The following CNTNAP2 variants were observed in gnomAD, a reference collection of about 807,000 sequenced individuals.
CNTNAP2 encodes contactin associated protein 2.
In CNTNAP2, 98 loss-of-function variants were observed where a neutral mutation model predicts 155.2. That is an observed-to-expected ratio of 0.63 (90% CI 0.54 to 0.75). The LOEUF is 0.75. Ranked by LOEUF, CNTNAP2 falls within the 30% of genes least tolerant of loss-of-function variation. The pLI, the probability that CNTNAP2 is intolerant of heterozygous loss-of-function variation, is 0.00. For synonymous variants in CNTNAP2, 651 were observed against 631.2 expected (o/e 1.03, Z -0.47); for missense variants, 1,727 against 1,688.1 (o/e 1.02, Z -0.40).
intron 1 of CNTNAP2, among the ~76,000 whole-genome samples, chr7:146,639,905 C>G (rs1308101414): frequency 6.6e-6 from 1 of 152,212 alleles, no homozygotes; most frequent in East Asian, 1.9e-4. Flanking sequence ...ACTGCATGGC[C>G]TGTTCTAGTA....
chr7:146,123,216 A>G (rs879938782), intron 1 of CNTNAP2, among the ~76,000 whole-genome samples: 2 of 152,134 alleles, frequency 1.3e-5, no homozygotes, highest in Non-Finnish European at 2.9e-5. Flanking sequence ...CGTATTCTGT[A>G]TTTACCTTGT....
intron 4 of CNTNAP2, among the ~76,000 whole-genome samples, chr7:147,107,411 G>A (rs1800788557): frequency 6.6e-6 from 1 of 151,988 alleles, no homozygotes; most frequent in Non-Finnish European, 1.5e-5. Context: ...TAAAATTAGA[G>A]CTGCTGTAGT....
At chr7:148,364,409 C>T (rs1798690241) in intron 21 of CNTNAP2, among the ~76,000 whole-genome samples, 2 of 152,134 alleles carry the variant, frequency 1.3e-5, no homozygotes, top group Non-Finnish European at 2.9e-5. Context: ...TTTGTGAGTG[C>T]ACCAATCGAC....
chr7:146,204,080 C>T (rs1798908008), intron 1 of CNTNAP2, among the ~76,000 whole-genome samples: 1 of 152,054 alleles, frequency 6.6e-6, no homozygotes, highest in African/African-American at 2.4e-5. Context: ...CAAGGACTTC[C>T]TTTCAGCTAA....
chr7:147,247,158 A>G (rs981047695), intron 8 of CNTNAP2, among the ~76,000 whole-genome samples: 1 of 152,248 alleles, frequency 6.6e-6, no homozygotes, highest in Non-Finnish European at 1.5e-5. Flanking sequence ...AGATATTATT[A>G]TAACATTTTT....
chr7:147,775,263 ATATT>A (rs1225911349), intron 13 of CNTNAP2, among the ~76,000 whole-genome samples: 6 of 101,644 alleles, frequency 5.9e-5, no homozygotes, highest in Admixed American at 3.1e-4. Flanking sequence ...ATTTATAAAT[ATATT>A]TATATATATA....
chr7:146,208,534 AAAG>A (rs1304222628), intron 1 of CNTNAP2: 2 of 152,144 alleles, frequency 1.3e-5, no homozygotes, highest in Non-Finnish European at 2.9e-5. Context: ...AAGGAAAAAA[AAAG>A]CACAGAACCA....
At chr7:147,840,236 A>T (rs1798706849) in intron 13 of CNTNAP2, among the ~76,000 whole-genome samples, 1 of 152,188 alleles carries the variant, frequency 6.6e-6, no homozygotes, top group South Asian at 2.1e-4. Flanking sequence ...GGTGATAGTT[A>T]TCCTAAAAGC....
intron 1 of CNTNAP2, among the ~76,000 whole-genome samples, chr7:146,179,936 T>C (rs1798526490): frequency 6.6e-6 from 1 of 152,186 alleles, no homozygotes; most frequent in African/African-American, 2.4e-5. Context: ...AAATGATTTT[T>C]AGTAGGAAAG....
chr7:147,744,707 C>T (rs569535786), intron 13 of CNTNAP2, among the ~76,000 whole-genome samples: 9 of 152,336 alleles, frequency 5.9e-5, no homozygotes, highest in Middle Eastern at 3.4e-3. Context: ...TCCTGGCTTG[C>T]TGACGGCTGC....
chr7:148,286,940 T>A (rs922897703), intron 21 of CNTNAP2, among the ~76,000 whole-genome samples: 1 of 152,246 alleles, frequency 6.6e-6, no homozygotes, highest in Non-Finnish European at 1.5e-5. Flanking sequence ...TTGCCACACA[T>A]AGTACCCTAA....
intron 9 of CNTNAP2, among the ~76,000 whole-genome samples, chr7:147,379,348 A>ATTCCATGC (rs1186925363): frequency 3.3e-5 from 5 of 152,076 alleles, no homozygotes; most frequent in African/African-American, 1.2e-4. Context: ...GGGGCCAAAT[A>ATTCCATGC]TTCCATGCGG....
chr7:147,859,104 C>G (rs1288510255), intron 13 of CNTNAP2, among the ~76,000 whole-genome samples: 1 of 152,040 alleles, frequency 6.6e-6, no homozygotes. Context: ...TTGCATTATC[C>G]TTATAAATGC....
At chr7:148,009,859 A>G (rs1291134516) in intron 15 of CNTNAP2, among the ~76,000 whole-genome samples, 5 of 152,224 alleles carry the variant, frequency 3.3e-5, no homozygotes, top group South Asian at 4.1e-4. Context: ...TTTATTGAAA[A>G]TATATATTGC....
At chr7:146,406,404 C>T (rs1563072423) in intron 1 of CNTNAP2, among the ~76,000 whole-genome samples, 1 of 152,216 alleles carries the variant, frequency 6.6e-6, no homozygotes, top group Non-Finnish European at 1.5e-5. Context: ...TGCTTCTCTT[C>T]AGACATGGTT....
chr7:146,470,659 T>G (rs1584940329), intron 1 of CNTNAP2, among the ~76,000 whole-genome samples: 2 of 152,236 alleles, frequency 1.3e-5, no homozygotes, highest in Middle Eastern at 6.8e-3. Context: ...AACCTCCGCC[T>G]CCTGGGATCA....
At position 146,843,596 on chromosome 7, in the gene CNTNAP2, C is replaced by A. The variant is rs949933648; in HGVS notation, c.402+3692C>A. ...AGAAATGTTTTAATCCTTACTAATA[C>A]AAAAAAAAAAAAAAAAGAGTCCAAT... is the stretch of plus-strand genomic sequence containing the variant. On this transcript the variant is annotated intron_variant, in intron 3 of 23. Coordinates refer to ENST00000361727, the MANE Select transcript of CNTNAP2 (RefSeq NM_014141.6). 5.8e-3 allele frequency among the ~76,000 whole-genome samples: 734 copies of A among 125,944 alleles called. 1 individual carries two copies. The highest frequency in any genetic ancestry group is 6.2e-3 in the Non-Finnish European group (375 of 60,768). The allele number at this position is 125,944 out of a possible 152,430, so 82.6% of individuals were successfully genotyped here.
intron 10 of CNTNAP2, among the ~76,000 whole-genome samples, chr7:147,474,757 C>G (rs1251230073): frequency 2.0e-5 from 3 of 152,138 alleles, no homozygotes. Flanking sequence ...ATAACCTGAC[C>G]TAAATCTTCT....
At chr7:147,118,414 G>A (rs867791127) in intron 5 of CNTNAP2, among the ~76,000 whole-genome samples, 2 of 151,278 alleles carry the variant, frequency 1.3e-5, no homozygotes, top group African/African-American at 2.4e-5. Flanking sequence ...TATGTTGATA[G>A]CATTTAAAAT....
Sources: gnomAD v4.1 joint callset for allele counts (sites outside exome capture counted in the v4.1 genomes callset) on GRCh38, gnomAD v4.1.1 for gene constraint, MANE v1.5 for transcripts, NCBI Gene and HGNC (gene_info 2026-07-23, HGNC 2026-07-21) for gene names.